The following PDGFRL variants were observed in gnomAD, a reference collection of about 807,000 sequenced individuals.
PDGFRL encodes platelet-derived growth factor receptor-like protein.
Under a neutral mutation model 37.2 loss-of-function variants are expected in PDGFRL, and 46 were observed. That is an observed-to-expected ratio of 1.24 (90% CI 0.98 to 1.58). PDGFRL has a LOEUF of 1.58. Among genes scored for constraint, PDGFRL ranks in the 40% most tolerant of loss-of-function variants. The pLI is 0.00. For missense variants in PDGFRL, 692 were observed against 467.6 expected, an observed-to-expected ratio of 1.48 and a Z score of -4.43; for synonymous variants, 251 against 184.3, an observed-to-expected ratio of 1.36 and a Z score of -2.93.
Position 17,642,869 on chromosome 8 carries a change from T to G in PDGFRL, c.*68T>G. Reference sequence around the variant, plus strand: ...TGTACACAGTCAGCTTTGGGGTTCCTTTTATTAGTGCTTTGCCAGAGGCTG... The same window carrying G: ...TGTACACAGTCAGCTTTGGGGTTCCGTTTATTAGTGCTTTGCCAGAGGCTG... On this transcript the variant is annotated 3_prime_UTR_variant, in exon 6 of 6. Coordinates refer to ENST00000251630, the MANE Select transcript of PDGFRL (RefSeq NM_001372073.1). The G allele has an allele frequency of 1.0e-6, 1 of 1,004,826 alleles. No individual in the cohort carries two copies. Among genetic ancestry groups the G allele is most frequent in the Non-Finnish European group, 1.5e-6 (1 of 653,420 alleles). The allele number at this position is 1,004,826 out of a possible 1,614,324, so 62.2% of individuals were successfully genotyped here. A position where few individuals can be genotyped will look rare whatever the true frequency, so the allele number is the denominator to read the frequency against.
intron 2 of PDGFRL, among the ~76,000 whole-genome samples, chr8:17,610,748 T>G (rs913618325): frequency 3.3e-5 from 5 of 152,116 alleles, no homozygotes; most frequent in Non-Finnish European, 7.3e-5. Flanking sequence ...CCGTCACTAC[T>G]AAACACACAA....
chr8:17,630,910 TC>T (rs1804848261), intron 4 of PDGFRL, among the ~76,000 whole-genome samples: 1 of 151,988 alleles, frequency 6.6e-6, no homozygotes, highest in Admixed American at 6.5e-5. Context: ...TGTATGAACT[TC>T]TTTGCTCTGA....
intron 3 of PDGFRL, among the ~76,000 whole-genome samples, chr8:17,624,004 C>CA (rs1271843081): frequency 6.0e-5 from 9 of 150,846 alleles, no homozygotes; most frequent in African/African-American, 1.7e-4. Context: ...AAACTTTGAT[C>CA]AAAAAAAATA....
At chr8:17,613,030 T>C (rs1016845240) in intron 2 of PDGFRL, among the ~76,000 whole-genome samples, 2 of 152,250 alleles carry the variant, frequency 1.3e-5, no homozygotes, top group African/African-American at 4.8e-5. Flanking sequence ...CTACCATGAA[T>C]ATTTTTTGTG....
At chr8:17,621,504 A>G (rs1804633829) in intron 3 of PDGFRL, among the ~76,000 whole-genome samples, 1 of 152,102 alleles carries the variant, frequency 6.6e-6, no homozygotes, top group Admixed American at 6.5e-5. Context: ...ATTTCAACAC[A>G]AACCATTTGG....
chr8:17,593,649 C>T (rs1200415949), intron 2 of PDGFRL, among the ~76,000 whole-genome samples: 1 of 151,384 alleles, frequency 6.6e-6, no homozygotes, highest in Admixed American at 6.6e-5. Flanking sequence ...AATCCCAGCA[C>T]TTTGGGAGGC....
At chr8:17,576,718 A>G, upstream of PDGFRL, 1 of 985,112 alleles carries the variant, frequency 1.0e-6, no homozygotes, top group Non-Finnish European at 1.2e-6. Context: ...AACTCTGGCC[A>G]GACACAGAGG....
At chr8:17,581,664 C>T (rs777358397) in intron 1 of PDGFRL, among the ~76,000 whole-genome samples, 4 of 151,966 alleles carry the variant, frequency 2.6e-5, no homozygotes, top group Non-Finnish European at 5.9e-5. Flanking sequence ...AGAGTCTGGT[C>T]CCTCCTCCTC....
intron 2 of PDGFRL, among the ~76,000 whole-genome samples, chr8:17,606,886 G>GTTTTTTTTTTTTTTTTTTTTTT (rs371085758): frequency 7.2e-6 from 1 of 138,262 alleles, no homozygotes; most frequent in Non-Finnish European, 1.5e-5. Context: ...TTCGTTTTTT[G>GTTTTTTTTTTTTTTTTTTTTTT]TTTTTTTGTT....
At chr8:17,606,886 G>GTTTTTTGTTTT (rs1804290094) in intron 2 of PDGFRL, among the ~76,000 whole-genome samples, 6 of 138,262 alleles carry the variant, frequency 4.3e-5, no homozygotes, top group African/African-American at 1.7e-4. Context: ...TTCGTTTTTT[G>GTTTTTTGTTTT]TTTTTTTGTT....
At chr8:17,618,416 G>A (rs1457501491) in intron 2 of PDGFRL, among the ~76,000 whole-genome samples, 1 of 152,136 alleles carries the variant, frequency 6.6e-6, no homozygotes, top group African/African-American at 2.4e-5. Context: ...TGTACTATTT[G>A]TCATGGCTAT....
intron 2 of PDGFRL, among the ~76,000 whole-genome samples, chr8:17,610,368 C>G (rs1380760817): frequency 1.3e-5 from 2 of 152,158 alleles, no homozygotes; most frequent in East Asian, 3.9e-4. Flanking sequence ...GCTACAAAAT[C>G]TGAAACTTTT....
chr8:17,612,007 C>T (rs980695264), intron 2 of PDGFRL, among the ~76,000 whole-genome samples: 1 of 152,130 alleles, frequency 6.6e-6, no homozygotes, highest in African/African-American at 2.4e-5. Context: ...GGGGAGGTGG[C>T]ACAGCCTCGG....
At chr8:17,590,860 C>G (rs1477672394) in intron 2 of PDGFRL, among the ~76,000 whole-genome samples, 1 of 150,764 alleles carries the variant, frequency 6.6e-6, no homozygotes, top group Non-Finnish European at 1.5e-5. Flanking sequence ...TACTTTTCAA[C>G]TGCTTCTCAT....
At chr8:17,623,041 T>C (rs1804663602) in intron 3 of PDGFRL, among the ~76,000 whole-genome samples, 1 of 152,202 alleles carries the variant, frequency 6.6e-6, no homozygotes, top group African/African-American at 2.4e-5. Context: ...GTTCTCTGCC[T>C]CCTGCCTCTA....
intron 2 of PDGFRL, among the ~76,000 whole-genome samples, chr8:17,599,478 C>A (rs532584644): frequency 6.6e-6 from 1 of 152,278 alleles, no homozygotes; most frequent in East Asian, 1.9e-4. Flanking sequence ...TTGAATATGT[C>A]CTAAGTTCCT....
intron 2 of PDGFRL, among the ~76,000 whole-genome samples, chr8:17,610,899 A>G (rs1034004364): frequency 1.4e-4 from 21 of 151,474 alleles, no homozygotes; most frequent in African/African-American, 5.1e-4. Flanking sequence ...GGACAGTGAG[A>G]TTCCGTCTCA....
At chr8:17,606,545 G>A (rs1009703665) in intron 2 of PDGFRL, among the ~76,000 whole-genome samples, 4 of 152,150 alleles carry the variant, frequency 2.6e-5, no homozygotes, top group Non-Finnish European at 4.4e-5. Flanking sequence ...AAGGTAGAGC[G>A]TTCTCTTTCC....
intron 5 of PDGFRL, among the ~76,000 whole-genome samples, chr8:17,640,436 G>A (rs7846367): frequency 0.078 from 11,844 of 152,126 alleles, 599 homozygotes; most frequent in African/African-American, 0.13. Flanking sequence ...GGGGCTCAAG[G>A]GCTGCTCTTC....
Sources: gnomAD v4.1 joint callset for allele counts (sites outside exome capture counted in the v4.1 genomes callset) on GRCh38, gnomAD v4.1.1 for gene constraint, MANE v1.5 for transcripts, NCBI Gene and HGNC (gene_info 2026-07-23, HGNC 2026-07-21) for gene names.